The following C4orf50 variants were observed in gnomAD, a reference collection of about 807,000 sequenced individuals.
C4orf50 encodes the protein uncharacterized protein C4orf50.
Under a neutral mutation model 77.2 loss-of-function variants are expected in C4orf50, and 80 were observed. The ratio of observed to expected loss-of-function variants is 1.04; its 90% CI spans 0.87 to 1.25. The LOEUF (loss-of-function observed/expected upper bound fraction) is 1.25, where lower values mean the gene tolerates loss of function less well. Ranked by LOEUF, C4orf50 falls within the 50% of genes most tolerant of loss-of-function variation. The pLI, the probability that C4orf50 is intolerant of heterozygous loss-of-function variation, is 0.00. For synonymous variants in C4orf50, 532 were observed against 465.3 expected (o/e 1.14, Z -1.84); for missense variants, 1,257 against 1,152.9 (o/e 1.09, Z -1.31).
intron 7 of C4orf50, among the ~76,000 whole-genome samples, chr4:5,950,701 TC>T (rs1718677521): frequency 1.5e-5 from 1 of 66,414 alleles, no homozygotes; most frequent in Admixed American, 1.3e-4. Context: ...ACCCACTGTC[TC>T]CACCCCCGTT....
At chr4:5,996,693 G>A (rs561374359) in intron 25 of C4orf50, among the ~76,000 whole-genome samples, 18 of 152,266 alleles carry the variant, frequency 1.2e-4, no homozygotes, top group Admixed American at 1.0e-3. Context: ...CTTCTCAAAG[G>A]CCAGGGGCCT....
chr4:5,907,793 C>A (rs975366492), intron 7 of C4orf50, among the ~76,000 whole-genome samples: 17 of 151,986 alleles, frequency 1.1e-4, no homozygotes, highest in Non-Finnish European at 2.2e-4. Context: ...GGGTCTTGGG[C>A]ATAAAAGAGA....
downstream of C4orf50, among the ~76,000 whole-genome samples, chr4:5,954,467 G>C (rs1718862596): frequency 2.6e-5 from 4 of 152,118 alleles, no homozygotes; most frequent in South Asian, 8.3e-4. This position sits in a 1 kb window ranked among gnomAD's most constrained non-coding sequence, Gnocchi z 4.7. Flanking sequence ...TTCTGTAGCA[G>C]ATGAGGGAGG....
chr4:5,996,260 C>T (rs6446432), intron 25 of C4orf50, among the ~76,000 whole-genome samples: 3 of 151,928 alleles, frequency 2.0e-5, no homozygotes, highest in Non-Finnish European at 4.4e-5. Flanking sequence ...GGGCCTGGAT[C>T]GCTTGCCTGC....
Position 5,965,152 on chromosome 4 carries a change from G to T in C4orf50, c.4154-7C>A. On this transcript the variant is annotated splice_polypyrimidine_tract_variant and splice_region_variant and intron_variant, in intron 32 of 33. Coordinates refer to ENST00000531445, the Ensembl canonical transcript of C4orf50. ...TTCAAGAGGTATGTCTGAGCTGGAA[G>T]GGAAAATTCTCAGTCAAGCCTCCAC... 6.2e-7 allele frequency: 1 copy of T among 1,610,756 alleles called. No individual in the cohort carries two copies. Among genetic ancestry groups the T allele is most frequent in the South Asian group, 1.1e-5 (1 of 90,010 alleles).
At chr4:6,013,797 C>T (rs1017797411) in intron 23 of C4orf50, among the ~76,000 whole-genome samples, 1 of 152,096 alleles carries the variant, frequency 6.6e-6, no homozygotes, top group African/African-American at 2.4e-5. Context: ...CCCCTCCAGC[C>T]TCGGAGAGGG....
At chr4:5,904,514 A>G (rs1716466366) in intron 7 of C4orf50, 1 of 152,232 alleles carries the variant, frequency 6.6e-6, no homozygotes. Context: ...GAACTCAGCC[A>G]CTGGAAGACT....
chr4:5,989,099 C>A (rs569265246), exon 28 of C4orf50: 3 of 1,536,124 alleles, frequency 2.0e-6, no homozygotes, highest in East Asian at 4.9e-5. Context: ...ATGTCCCCTA[C>A]CAGCCTGTGG....
At chr4:5,934,286 C>A (rs1717910863) in intron 7 of C4orf50, among the ~76,000 whole-genome samples, 1 of 152,166 alleles carries the variant, frequency 6.6e-6, no homozygotes, top group South Asian at 2.1e-4. Flanking sequence ...TTGGTCCTTT[C>A]CAGGTCCTCG....
At position 6,008,909 on chromosome 4, in the gene C4orf50, C is replaced by T. The variant is rs1722371278; in HGVS notation, c.427-377G>A. Among the ~76,000 whole-genome samples, 2 of 152,160 alleles carry T rather than the reference C, an allele frequency of 1.3e-5. No individual in the cohort carries two copies. Among genetic ancestry groups the T allele is most frequent in the Non-Finnish European group, 2.9e-5 (2 of 68,028 alleles). ...TGCACACAGCTGCTCCAGAGCCTCC[C>T]AGGTGTCCCCACTTCCACCACAGAA... On this transcript the variant is annotated intron_variant, in intron 24 of 33. Transcript: ENST00000531445. This position sits in a 1 kb window ranked among gnomAD's most constrained non-coding sequence, Gnocchi z 6.0.
intron 31 of C4orf50, 122 bp downstream of exon 9, chr4:5,973,537 G>C (rs1456981057): frequency 2.4e-6 from 2 of 830,810 alleles, no homozygotes; most frequent in Non-Finnish European, 3.9e-6. Flanking sequence ...TGTCTTCTTG[G>C]GTAGTGTCCG....
intron 25 of C4orf50, among the ~76,000 whole-genome samples, chr4:5,995,614 C>T (rs1721540594): frequency 6.6e-6 from 1 of 152,142 alleles, no homozygotes; most frequent in Non-Finnish European, 1.5e-5. Context: ...CAGCCCGGTG[C>T]TGTTGGCTGC....
At chr4:5,956,690 G>A (rs1024055285), downstream of C4orf50, 2 of 152,310 alleles carry the variant, frequency 1.3e-5, no homozygotes, top group African/African-American at 4.8e-5. Flanking sequence ...AGTGGCGGAG[G>A]GGTGCATTTA....
At chr4:6,004,214 GATGGTGATGAT>G (rs1722074320) in intron 25 of C4orf50, among the ~76,000 whole-genome samples, 1 of 110,002 alleles carries the variant, frequency 9.1e-6, no homozygotes, top group South Asian at 2.8e-4. Flanking sequence ...TGATGATGGT[GATGGTGATGAT>G]GTGATGGTGA....
At chr4:5,948,028 T>G (rs1718556493) in intron 7 of C4orf50, among the ~76,000 whole-genome samples, 1 of 152,092 alleles carries the variant, frequency 6.6e-6, no homozygotes, top group Non-Finnish European at 1.5e-5. Context: ...ACCTCCATGG[T>G]CAATTTGGGA....
At chr4:5,907,668 T>G (rs1388974299) in intron 7 of C4orf50, among the ~76,000 whole-genome samples, 2 of 152,114 alleles carry the variant, frequency 1.3e-5, no homozygotes, top group African/African-American at 4.8e-5. Context: ...ATATGGGGGC[T>G]GGGGGAAGAG....
downstream of C4orf50, among the ~76,000 whole-genome samples, chr4:5,954,281 T>C (rs1718853101): frequency 6.6e-6 from 1 of 152,068 alleles, no homozygotes; most frequent in Non-Finnish European, 1.5e-5. This position sits in a 1 kb window ranked among gnomAD's most constrained non-coding sequence, Gnocchi z 4.7. Flanking sequence ...TGGTCCTGTG[T>C]CCAGCAAATA....
In C4orf50 at chr4:6,018,357, G is replaced by A. The variant is rs1023255566; in HGVS notation, c.75C>T (p.Phe25=). ...TCTTCACATCAACGTTCATTATGTC[G>A]AACCCCTCACTGCTGGGGGCTCTGA... The change falls in exon 23 of 34, where the codon TTC becomes TTT. Residue 25 remains phenylalanine (F), a synonymous_variant. Coordinates refer to ENST00000531445, the Ensembl canonical transcript of C4orf50. This position sits in a 1 kb window ranked among gnomAD's most constrained non-coding sequence, Gnocchi z 5.1. 2.3e-5 allele frequency: 9 copies of A among 398,726 alleles called. No homozygotes were observed. The highest frequency in any genetic ancestry group is 6.2e-5 in the African/African-American group (3 of 48,522). The allele number at this position is 398,726 out of a possible 1,614,324, so 24.7% of individuals were successfully genotyped here.
intron 7 of C4orf50, among the ~76,000 whole-genome samples, chr4:5,906,946 C>G (rs1349057506): frequency 6.6e-6 from 1 of 152,220 alleles, no homozygotes; most frequent in African/African-American, 2.4e-5. Flanking sequence ...TACAAGAATT[C>G]TGATTCTTAG....
Sources: allele counts gnomAD v4.1 joint callset (sites outside exome capture counted in the v4.1 genomes callset), GRCh38; gene constraint gnomAD v4.1.1; non-coding constraint Gnocchi (gnomAD v3.1); transcripts MANE v1.5; gene names NCBI Gene and HGNC (gene_info 2026-07-23, HGNC 2026-07-21).